CENPP: variants seen among roughly 807,000 people sequenced by gnomAD.
CENPP encodes centromere protein P.
CENPP carries 24 observed loss-of-function variants against 35.6 expected under a neutral mutation model. The observed-to-expected ratio is 0.67, with a 90% CI of 0.49 to 0.95. The LOEUF is 0.95. Among genes scored for constraint, CENPP ranks in the 40% least tolerant of loss-of-function variants. The pLI, the probability that CENPP is intolerant of heterozygous loss-of-function variation, is 0.00. For missense variants in CENPP, 332 were observed against 345.3 expected (o/e 0.96, Z 0.31); for synonymous variants, 120 against 125.5 (o/e 0.96, Z 0.29).
At chr9:92,422,655 T>G (rs571336190) in intron 5 of CENPP, among the ~76,000 whole-genome samples, 82 of 152,244 alleles carry the variant, frequency 5.4e-4, no homozygotes, top group Non-Finnish European at 1.0e-3. Context: ...TTCCTAACCA[T>G]GTAGTACAAT....
At chr9:92,442,740 T>C (rs1444437896) in intron 5 of CENPP, among the ~76,000 whole-genome samples, 2 of 151,644 alleles carry the variant, frequency 1.3e-5, no homozygotes, top group African/African-American at 4.9e-5. Flanking sequence ...TACCAGCTGC[T>C]TGGGAGGCTG....
rs757888117 is a variant in CENPP at position 92,345,730 on chromosome 9, A to T, written c.410A>T (p.Asp137Val). Residue 137 changes from aspartate (D) to valine (V), a missense_variant, in exon 4 of 8, where the codon GAC (aspartate) becomes GTC (valine). By Grantham distance (152) the Asp-to-Val change is radical. Coordinates refer to ENST00000375587, the MANE Select transcript of CENPP (RefSeq NM_001012267.3). ...NKERLSSAVT[D>V]LNIIMEPTEC... is the part of the protein sequence containing the mutation. ...GAGAGATTATCTTCTGCTGTTACTG[A>T]CCTCAACATAATAATGGAGCCCACA... 13 of 1,599,414 alleles carry T rather than the reference A, an allele frequency of 8.1e-6. No individual in the cohort carries two copies. The highest frequency in any genetic ancestry group is 1.0e-5 in the Non-Finnish European group (12 of 1,167,784).
intron 5 of CENPP, among the ~76,000 whole-genome samples, chr9:92,511,713 G>A (rs1466811484): frequency 6.6e-6 from 1 of 152,144 alleles, no homozygotes; most frequent in Admixed American, 6.5e-5. Flanking sequence ...GATGCTAAAA[G>A]ACCAGATTTT....
rs1358417941 is a variant in CENPP at position 92,583,392 on chromosome 9, T to C, written c.565-27922T>C. 4.6e-5 allele frequency among the ~76,000 whole-genome samples: 7 copies of C among 152,220 alleles called. No homozygotes were observed. In the South Asian group the frequency reaches 8.3e-4, roughly 18 times the overall value. ...CCTTTGTATTGTTGGACTGCTTTACTGTGTAACCTAGTGCAAGCTTTGTAC... is the reference window on the plus strand; with the variant it reads ...CCTTTGTATTGTTGGACTGCTTTACCGTGTAACCTAGTGCAAGCTTTGTAC... On this transcript the variant is annotated intron_variant, in intron 5 of 7. Transcript: ENST00000375587.
intron 1 of CENPP, among the ~76,000 whole-genome samples, chr9:92,330,669 TTTTTTTTTTCTTTTCTTTG>T (rs1447736560): frequency 2.1e-5 from 3 of 145,138 alleles, no homozygotes; most frequent in Admixed American, 6.9e-5. Flanking sequence ...AAAGTTTAAG[TTTTTTTTTTCTTTTCTTTG>T]TTTTTTTTTT....
intron 5 of CENPP, among the ~76,000 whole-genome samples, chr9:92,591,136 G>T (rs1179368815): frequency 1.3e-5 from 2 of 152,118 alleles, no homozygotes; most frequent in Non-Finnish European, 2.9e-5. Context: ...AGACCTGCAG[G>T]GGGCCGGGTG....
chr9:92,428,316 C>T (rs6479421), intron 5 of CENPP, among the ~76,000 whole-genome samples: 2 of 152,068 alleles, frequency 1.3e-5, no homozygotes, highest in Non-Finnish European at 1.5e-5. Context: ...CAAGTGTGGC[C>T]GGAGGTCCAT....
intron 5 of CENPP, among the ~76,000 whole-genome samples, chr9:92,516,429 AC>A (rs1847727054): frequency 6.6e-6 from 1 of 152,090 alleles, no homozygotes; most frequent in Non-Finnish European, 1.5e-5. Flanking sequence ...CTTTTATTTA[AC>A]ACTATATATA....
At chr9:92,336,945 G>T (rs1332880016) in intron 2 of CENPP, among the ~76,000 whole-genome samples, 1 of 152,116 alleles carries the variant, frequency 6.6e-6, no homozygotes, top group Non-Finnish European at 1.5e-5. Flanking sequence ...AAAATAAAAA[G>T]CATTGAACAG....
In CENPP at chr9:92,457,032, A is replaced by G. The variant is rs991344139; in HGVS notation, c.564+77173A>G. The G allele has an allele frequency of 9.8e-6, 12 of 1,223,822 alleles. No individual in the cohort carries two copies. The Admixed American group carries it at 4.5e-4, about 46-fold the overall frequency. 75.8% of individuals were successfully genotyped at this position (1,223,822 alleles called of 1,614,324 possible). ...TTTGTTATGAAGAAAGGAATGGTCA[A>G]GCATGAGATTTATGTAAGATCATTT... On this transcript the variant is annotated intron_variant, in intron 5 of 7. Coordinates refer to ENST00000375587, the MANE Select transcript of CENPP (RefSeq NM_001012267.3).
chr9:92,526,041 C>A (rs4743874), intron 5 of CENPP, among the ~76,000 whole-genome samples: 64,410 of 151,690 alleles, frequency 0.42, 16,063 homozygotes, highest in African/African-American at 0.69. Flanking sequence ...TCTATTTAAA[C>A]AAACATTAAC....
rs539847696 is a variant in CENPP, at chr9:92,417,423, G to C, written c.564+37564G>C. 5.0e-6 allele frequency: 8 copies of C among 1,614,036 alleles called. No homozygotes were observed. In the South Asian group the frequency reaches 6.6e-5, roughly 13 times the overall value. On this transcript the variant is annotated intron_variant, in intron 5 of 7. Transcript: ENST00000375587. The stretch of plus-strand genomic sequence containing the variant: ...GGAACTCCGTAGTCTACATTTTGAC[G>C]AAATGGGAATCCTGTTTGGTAATCA...
At chr9:92,341,792 CAG>C (rs1841128764) in intron 3 of CENPP, 1 of 152,304 alleles carries the variant, frequency 6.6e-6, no homozygotes, top group Non-Finnish European at 1.5e-5. Context: ...TGCCTCCTAA[CAG>C]ACAGTGTTGG....
intron 5 of CENPP, chr9:92,482,490 T>C (rs1845945814): frequency 6.6e-6 from 1 of 152,246 alleles, no homozygotes; most frequent in African/African-American, 2.4e-5. Flanking sequence ...TCCCACAGAT[T>C]AGTCCATGTT....
intron 5 of CENPP, among the ~76,000 whole-genome samples, chr9:92,514,208 C>G (rs930563214): frequency 2.0e-5 from 3 of 151,296 alleles, no homozygotes; most frequent in African/African-American, 7.3e-5. Flanking sequence ...GCCATTCCCC[C>G]ACCTCAGCCT....
At chr9:92,395,435 A>G (rs1460123412) in intron 5 of CENPP, among the ~76,000 whole-genome samples, 4 of 152,152 alleles carry the variant, frequency 2.6e-5, no homozygotes, top group Non-Finnish European at 5.9e-5. Flanking sequence ...TCATATGGAC[A>G]TTGGGTTGTT....
At chr9:92,570,490 T>C (rs1021266260) in intron 5 of CENPP, among the ~76,000 whole-genome samples, 3 of 152,340 alleles carry the variant, frequency 2.0e-5, no homozygotes, top group African/African-American at 4.8e-5. Context: ...CAGTATTTTA[T>C]TGAGGATTTT....
intron 4 of CENPP, among the ~76,000 whole-genome samples, chr9:92,352,503 G>GACA (rs1841479168): frequency 1.5e-5 from 1 of 68,964 alleles, no homozygotes; most frequent in African/African-American, 1.2e-4. Flanking sequence ...GTGTGTGTGT[G>GACA]TGTATACATA....
chr9:92,559,388 C>T (rs1849799590), intron 5 of CENPP, among the ~76,000 whole-genome samples: 1 of 152,214 alleles, frequency 6.6e-6, no homozygotes, highest in African/African-American at 2.4e-5. Context: ...AACAGACCTT[C>T]AGCTTCTCCA....
Sources: gnomAD v4.1 joint callset for allele counts (sites outside exome capture counted in the v4.1 genomes callset) on GRCh38, gnomAD v4.1.1 for gene constraint, MANE v1.5 for transcripts, NCBI Gene and HGNC (gene_info 2026-07-23, HGNC 2026-07-21) for gene names.